Variants in SLC25A12 observed in about 807,000 individuals in gnomAD.
SLC25A12 encodes solute carrier family 25 member 12.
SLC25A12 carries 32 observed loss-of-function variants against 83.3 expected under a neutral mutation model. The observed-to-expected ratio is 0.38, with a 90% confidence interval of 0.29 to 0.52. The LOEUF (loss-of-function observed/expected upper bound fraction) is 0.52, where lower values mean the gene tolerates loss of function less well. Among genes scored for constraint, SLC25A12 ranks in the 20% least tolerant of loss-of-function variants. SLC25A12 has a pLI of 0.84. For synonymous variants in SLC25A12, 267 were observed against 291.1 expected (o/e 0.92, Z 0.84); for missense variants, 611 against 835.6 (o/e 0.73, Z 3.31).
chr2:171,853,127 A>G (rs1036272711), intron 4 of SLC25A12, among the ~76,000 whole-genome samples: 1 of 152,122 alleles, frequency 6.6e-6, no homozygotes, highest in Non-Finnish European at 1.5e-5. Context: ...AGGAGCTGAA[A>G]TCACTCCTTT....
At chr2:171,824,999 G>T (rs1684272821) in intron 9 of SLC25A12, among the ~76,000 whole-genome samples, 1 of 151,896 alleles carries the variant, frequency 6.6e-6, no homozygotes, top group African/African-American at 2.4e-5. Context: ...TGTAGAGATG[G>T]GGTTTTGCCA....
chr2:171,840,151 A>G (rs1684641728), intron 5 of SLC25A12, among the ~76,000 whole-genome samples: 1 of 152,134 alleles, frequency 6.6e-6, no homozygotes, highest in African/African-American at 2.4e-5. Context: ...AGACTAGACA[A>G]TTTTTCCCTG....
At chr2:171,810,304 A>G in intron 11 of SLC25A12, 28 bp from the exon 12 acceptor site, 1 of 1,581,232 alleles carries the variant, frequency 6.3e-7, no homozygotes, top group Non-Finnish European at 8.7e-7. Flanking sequence ...ATCATCAGCA[A>G]TATAGCTGTA....
At chr2:171,884,342 C>G (rs1026645390) in intron 2 of SLC25A12, among the ~76,000 whole-genome samples, 4 of 152,018 alleles carry the variant, frequency 2.6e-5, no homozygotes, top group Non-Finnish European at 5.9e-5. Context: ...AGGCGCCCGC[C>G]ACCACGCCTG....
At chr2:171,867,124 G>T (rs1162889246) in intron 3 of SLC25A12, among the ~76,000 whole-genome samples, 5 of 151,576 alleles carry the variant, frequency 3.3e-5, no homozygotes, top group African/African-American at 1.2e-4. Context: ...TGGCGGCCGG[G>T]CAGAGACGCT....
At chr2:171,833,424 AACACAGGGTCTGG>A (rs1458392654) in intron 8 of SLC25A12, among the ~76,000 whole-genome samples, 4 of 152,126 alleles carry the variant, frequency 2.6e-5, no homozygotes, top group South Asian at 4.1e-4. Context: ...AGAAGAAAGA[AACACAGGGTCTGG>A]ACACAGGGAG....
intron 2 of SLC25A12, among the ~76,000 whole-genome samples, chr2:171,880,985 G>A (rs1457492487): frequency 6.6e-6 from 1 of 152,138 alleles, no homozygotes; most frequent in Non-Finnish European, 1.5e-5. Context: ...TCTGTAAAAT[G>A]GGAATACTAA....
At chr2:171,796,031 A>G (rs1574677427) in intron 13 of SLC25A12, among the ~76,000 whole-genome samples, 2 of 152,152 alleles carry the variant, frequency 1.3e-5, no homozygotes, top group Admixed American at 6.5e-5. Context: ...TGCAACCTCA[A>G]CCTCCCCAGG....
At chr2:171,805,926 T>A (rs1045174316) in intron 13 of SLC25A12, among the ~76,000 whole-genome samples, 1 of 151,498 alleles carries the variant, frequency 6.6e-6, no homozygotes, top group Admixed American at 6.6e-5. Flanking sequence ...CTGGGCAACA[T>A]GATGAAACCC....
chr2:171,854,070 G>A (rs1016436867), intron 4 of SLC25A12, among the ~76,000 whole-genome samples: 1 of 152,208 alleles, frequency 6.6e-6, no homozygotes, highest in Non-Finnish European at 1.5e-5. Flanking sequence ...AGATATGTGA[G>A]CATGTGTGAT....
chr2:171,785,449 G>C lies in SLC25A12; in HGVS notation c.1862C>G (p.Pro621Arg). ...GLKPAGSEPT[P>R]KSRIADLPPA... is the part of the protein sequence containing the mutation. ...AGGAAGGTCTGCAATGCGTGACTTAGGTGTTGGTTCTGAACCAGCGGGTTT... is the reference window on the plus strand; with the variant it reads ...AGGAAGGTCTGCAATGCGTGACTTACGTGTTGGTTCTGAACCAGCGGGTTT... The change falls in exon 18 of 18, where the codon CCT (proline) becomes CGT (arginine). Residue 621 changes from proline to arginine, a missense_variant. This residue lies in a region of SLC25A12 where 540 missense variants were observed against 777.5 expected (regional missense o/e 0.69). Coordinates refer to ENST00000422440, the MANE Select transcript of SLC25A12 (RefSeq NM_003705.5). 1 of 1,614,184 alleles carries C rather than the reference G, an allele frequency of 6.2e-7. No individual in the cohort carries two copies. The highest frequency in any genetic ancestry group is 8.5e-7 in the Non-Finnish European group (1 of 1,180,044).
intron 14 of SLC25A12, 69 bp downstream of exon 14, chr2:171,793,558 G>T: frequency 6.7e-7 from 1 of 1,494,754 alleles, no homozygotes; most frequent in Non-Finnish European, 9.3e-7. Context: ...TTTCAACTTG[G>T]AGGGAAGAAG....
intron 2 of SLC25A12, among the ~76,000 whole-genome samples, chr2:171,882,161 C>T (rs1461846204): frequency 6.6e-6 from 1 of 152,148 alleles, no homozygotes; most frequent in East Asian, 1.9e-4. Flanking sequence ...CCCTTATATG[C>T]TATACATAAA....
chr2:171,854,973 T>C (rs1054391750), intron 4 of SLC25A12, among the ~76,000 whole-genome samples: 6 of 152,308 alleles, frequency 3.9e-5, no homozygotes, highest in Non-Finnish European at 7.3e-5. Flanking sequence ...TTTCACAACG[T>C]TGTGGATATA....
intron 9 of SLC25A12, among the ~76,000 whole-genome samples, chr2:171,824,738 A>C (rs1030445546): frequency 1.3e-5 from 2 of 151,946 alleles, no homozygotes; most frequent in Non-Finnish European, 2.9e-5. Context: ...TTATTTTTTT[A>C]AAATCACTGA....
intron 13 of SLC25A12, among the ~76,000 whole-genome samples, chr2:171,803,099 G>C (rs1345954552): frequency 6.6e-6 from 1 of 150,524 alleles, no homozygotes; most frequent in Non-Finnish European, 1.5e-5. Flanking sequence ...CTGACATTTA[G>C]TAATATCTCT....
intron 9 of SLC25A12, among the ~76,000 whole-genome samples, chr2:171,821,017 C>CTTTTTTTTTTTT (rs869070730): frequency 2.1e-5 from 1 of 48,592 alleles, no homozygotes; most frequent in African/African-American, 8.0e-5. Context: ...TATAAACATT[C>CTTTTTTTTTTTT]TTTTTTTTTT....
chr2:171,883,236 T>C (rs1199249519), intron 2 of SLC25A12, among the ~76,000 whole-genome samples: 1 of 152,198 alleles, frequency 6.6e-6, no homozygotes, highest in African/African-American at 2.4e-5. Context: ...GACAAGGAAC[T>C]AAGCTTTATT....
intron 2 of SLC25A12, among the ~76,000 whole-genome samples, chr2:171,872,114 T>G (rs537989171): frequency 6.6e-6 from 1 of 152,254 alleles, no homozygotes; most frequent in East Asian, 1.9e-4. Flanking sequence ...GAAGGGGTTT[T>G]GGGTTTAAAC....
Sources: allele counts gnomAD v4.1 joint callset (sites outside exome capture counted in the v4.1 genomes callset), GRCh38; gene constraint gnomAD v4.1.1; regional missense constraint gnomAD v4.1.1; transcripts MANE v1.5; gene names NCBI Gene and HGNC (gene_info 2026-07-23, HGNC 2026-07-21).